Variants in SOS1 observed in about 807,000 individuals in gnomAD.
SOS1 encodes the protein son of sevenless homolog 1.
Under a neutral mutation model 157.6 loss-of-function variants are expected in SOS1, and 25 were observed. The observed-to-expected ratio is 0.16, with a 90% CI of 0.12 to 0.22. SOS1 has a LOEUF of 0.22. SOS1 is among the 10% of genes least tolerant of loss of function. The pLI, the probability that SOS1 is intolerant of heterozygous loss-of-function variation, is 1.00. For synonymous variants in SOS1, 528 were observed against 534.0 expected (o/e 0.99, Z 0.16); for missense variants, 1,237 against 1,599.1 (o/e 0.77, Z 3.86).
At chr2:39,023,850 A>G (rs1572831349) in intron 9 of SOS1, 160 bp downstream of exon 9, 2 of 618,406 alleles carry the variant, frequency 3.2e-6, no homozygotes, top group East Asian at 5.7e-5. Context: ...TTTTCAAACA[A>G]TAACAATTCT....
intron 6 of SOS1, among the ~76,000 whole-genome samples, chr2:39,048,403 C>T (rs1160196489): frequency 1.4e-5 from 2 of 146,880 alleles, no homozygotes; most frequent in African/African-American, 2.5e-5. Context: ...TTAAGATTTT[C>T]TTTTTTTTTT....
At chr2:39,026,590 G>C (rs1419487110) in intron 8 of SOS1, among the ~76,000 whole-genome samples, 1 of 152,138 alleles carries the variant, frequency 6.6e-6, no homozygotes, top group Non-Finnish European at 1.5e-5. Flanking sequence ...GATATTACTA[G>C]TAGGCTGAAG....
intron 8 of SOS1, among the ~76,000 whole-genome samples, chr2:39,033,339 T>C (rs528298623): frequency 5.4e-4 from 82 of 152,142 alleles, no homozygotes; most frequent in African/African-American, 2.0e-3. Context: ...GGGATACACA[T>C]GCTTAAATCA....
intron 8 of SOS1, among the ~76,000 whole-genome samples, chr2:39,032,379 T>TAC (rs1670192713): frequency 6.6e-6 from 1 of 152,216 alleles, no homozygotes; most frequent in Admixed American, 6.5e-5. Flanking sequence ...TTTGACTTTG[T>TAC]AAAGTTTAAG....
At chr2:39,069,455 A>G (rs1671722024) in intron 1 of SOS1, among the ~76,000 whole-genome samples, 1 of 152,194 alleles carries the variant, frequency 6.6e-6, no homozygotes, top group South Asian at 2.1e-4. Flanking sequence ...ATACGTATGC[A>G]TTCATATACA....
At position 39,051,543 on chromosome 2, in the gene SOS1, T is replaced by A. The variant is rs558100041; in HGVS notation, c.721-256A>T. 3.3e-5 allele frequency among the ~76,000 whole-genome samples: 5 copies of A among 152,318 alleles called. No homozygotes were observed. The South Asian group carries it at 1.0e-3, about 32-fold the overall frequency. ...AGGACTCCTTCACACTCTTAAAAAT[T>A]ATTGAAGATTCTAAAAACCTTTTGT... On this transcript the variant is annotated intron_variant, in intron 5 of 22. Coordinates refer to ENST00000402219, the MANE Select transcript of SOS1 (RefSeq NM_005633.4).
Position 38,986,182 on chromosome 2 carries a change from G to T in SOS1, c.3644C>A (p.Pro1215Gln). 6.2e-7 allele frequency: 1 copy of T among 1,613,912 alleles called. No individual in the cohort carries two copies. The highest frequency in any genetic ancestry group is 1.1e-5 in the South Asian group (1 of 91,082). ...SDPPESPPLL[P>Q]PREPVRTPDV... Reference sequence around the variant, plus strand: ...AGGTGTCCTCACAGGTTCTCGTGGTGGTAATAAGGGAGGGCTTTCAGGAGG... The same window carrying T: ...AGGTGTCCTCACAGGTTCTCGTGGTTGTAATAAGGGAGGGCTTTCAGGAGG... Residue 1215 changes from proline (P) to glutamine (Q), a missense_variant, in exon 23 of 23, where the codon CCA (proline) becomes CAA (glutamine). Coordinates refer to ENST00000402219, the MANE Select transcript of SOS1 (RefSeq NM_005633.4).
intron 6 of SOS1, among the ~76,000 whole-genome samples, chr2:39,044,148 A>G (rs1670672221): frequency 6.6e-6 from 1 of 152,148 alleles, no homozygotes; most frequent in Non-Finnish European, 1.5e-5. Flanking sequence ...CTTGAGGCCA[A>G]GAGTTGGAGA....
chr2:39,012,003 T>C, intron 14 of SOS1, 123 bp downstream of exon 14: 1 of 764,872 alleles, frequency 1.3e-6, no homozygotes, highest in Non-Finnish European at 2.3e-6. Context: ...GCCTTATTAC[T>C]AGACACTTCA....
At chr2:38,996,439 T>G (rs1412082794) in intron 19 of SOS1, among the ~76,000 whole-genome samples, 2 of 152,142 alleles carry the variant, frequency 1.3e-5, no homozygotes, top group East Asian at 1.9e-4. Context: ...AATCAGTGAG[T>G]TGGTGATTCT....
intron 1 of SOS1, among the ~76,000 whole-genome samples, chr2:39,112,597 T>C (rs1439139928): frequency 1.3e-5 from 2 of 151,390 alleles, no homozygotes; most frequent in African/African-American, 4.8e-5. Context: ...CCACCGCACC[T>C]GGCTTGCAAT....
In SOS1 at chr2:38,985,137, TGG is replaced by T. The variant is rs1668514224; in HGVS notation, c.*685_*686del. On this transcript the variant is annotated 3_prime_UTR_variant, in exon 23 of 23. Transcript: ENST00000402219. ...GAAGGCAACACCACCACATTTTGTTTGGGTGTGTGGGGACAGGTGGGGGGAAT... is the reference window on the plus strand; with the variant it reads ...GAAGGCAACACCACCACATTTTGTTTGTGTGTGGGGACAGGTGGGGGGAAT... 6.6e-6 allele frequency: 1 copy of T among 152,234 alleles called. No homozygotes were observed. Among genetic ancestry groups the T allele is most frequent in the African/African-American group, 2.4e-5 (1 of 41,432 alleles). 9.4% of individuals were successfully genotyped at this position (152,234 alleles called of 1,614,324 possible).
At chr2:39,112,552 C>T (rs911527210) in intron 1 of SOS1, among the ~76,000 whole-genome samples, 1 of 152,162 alleles carries the variant, frequency 6.6e-6, no homozygotes, top group African/African-American at 2.4e-5. Context: ...ATCCTCTCAC[C>T]TCAGGCTCCC....
At chr2:38,998,083 C>T (rs1298369703) in intron 17 of SOS1, among the ~76,000 whole-genome samples, 1 of 152,130 alleles carries the variant, frequency 6.6e-6, no homozygotes, top group African/African-American at 2.4e-5. Flanking sequence ...AGTTTGTAGA[C>T]TTAGTGGCAA....
At chr2:39,090,215 A>G (rs1424948636) in intron 1 of SOS1, among the ~76,000 whole-genome samples, 1 of 151,972 alleles carries the variant, frequency 6.6e-6, no homozygotes, top group Non-Finnish European at 1.5e-5. Context: ...TCATCTTCAA[A>G]TGGTAGCGCC....
intron 1 of SOS1, among the ~76,000 whole-genome samples, chr2:39,073,699 A>C (rs560735962): frequency 1.3e-5 from 2 of 152,336 alleles, no homozygotes; most frequent in Non-Finnish European, 1.5e-5. Context: ...TTAGGTGTAT[A>C]TCGATTCCTA....
intron 10 of SOS1, among the ~76,000 whole-genome samples, chr2:39,019,445 A>G (rs746068843): frequency 5.9e-5 from 9 of 151,774 alleles, no homozygotes; most frequent in African/African-American, 2.2e-4. Flanking sequence ...GGATAAGGAA[A>G]TAGTCTCTTC....
Position 39,007,432 on chromosome 2 carries a change from G to A in SOS1, c.2511-239C>T, listed in dbSNP as rs1309107525. The A allele has an allele frequency of 1.2e-5, 6 of 493,756 alleles. No homozygotes were observed. The Admixed American group carries it at 1.7e-4, about 14-fold the overall frequency. The allele number at this position is 493,756 out of a possible 1,614,324, so 30.6% of individuals were successfully genotyped here. A position where few individuals can be genotyped will look rare whatever the true frequency, so the allele number is the denominator to read the frequency against. On this transcript the variant is annotated intron_variant, in intron 15 of 22. Coordinates refer to ENST00000402219, the MANE Select transcript of SOS1 (RefSeq NM_005633.4). ...AACAATCATTTTCCTACTATATTTG[G>A]TGCATCCTCTATTAGCATCAGAATT...
intron 1 of SOS1, among the ~76,000 whole-genome samples, chr2:39,104,932 T>G (rs1673109406): frequency 6.6e-6 from 1 of 152,228 alleles, no homozygotes; most frequent in African/African-American, 2.4e-5. Flanking sequence ...GTAGTAATCG[T>G]TGCACAACAT....
Sources: allele counts gnomAD v4.1 joint callset (sites outside exome capture counted in the v4.1 genomes callset), GRCh38; gene constraint gnomAD v4.1.1; transcripts MANE v1.5; gene names NCBI Gene and HGNC (gene_info 2026-07-23, HGNC 2026-07-21).